The following CSMD1 variants were observed in gnomAD, a reference collection of about 807,000 sequenced individuals.
CSMD1 encodes the protein CUB and sushi domain-containing protein 1.
Under a neutral mutation model 417.5 loss-of-function variants are expected in CSMD1, and 213 were observed. That is an observed-to-expected ratio of 0.51 (90% CI 0.46 to 0.57). The LOEUF is 0.57. CSMD1 is among the 20% of genes least tolerant of loss of function. CSMD1 has a pLI of 0.00. For synonymous variants in CSMD1, 2,862 were observed against 1,736.8 expected, an observed-to-expected ratio of 1.65 and a Z score of -16.11; for missense variants, 6,923 against 4,529.7, an observed-to-expected ratio of 1.53 and a Z score of -15.17.
chr8:3,597,825 G>A (rs962042463), intron 8 of CSMD1, among the ~76,000 whole-genome samples: 17 of 152,218 alleles, frequency 1.1e-4, no homozygotes, highest in East Asian at 3.9e-4. Flanking sequence ...ATCACACACC[G>A]GGGCCTGTCG....
At chr8:3,341,126 G>A (rs1163485649) in intron 23 of CSMD1, among the ~76,000 whole-genome samples, 1 of 152,178 alleles carries the variant, frequency 6.6e-6, no homozygotes, top group Non-Finnish European at 1.5e-5. Flanking sequence ...GAGCAATAGA[G>A]TCACAGTATC....
At chr8:4,923,330 CATGAACAGTTAACTTCTTAAAGGGT>C (rs1806627468) in intron 1 of CSMD1, among the ~76,000 whole-genome samples, 3 of 152,032 alleles carry the variant, frequency 2.0e-5, no homozygotes, top group African/African-American at 7.2e-5. Flanking sequence ...TGGTTAGGAG[CATGAACAGTTAACTTCTTAAAGGGT>C]TGGCATACAT....
intron 3 of CSMD1, among the ~76,000 whole-genome samples, chr8:4,289,744 G>A (rs1444458095): frequency 6.6e-6 from 1 of 152,150 alleles, no homozygotes; most frequent in Non-Finnish European, 1.5e-5. Flanking sequence ...AATGCATTGT[G>A]AATAAAACAT....
At chr8:4,000,983 A>T (rs915289126) in intron 4 of CSMD1, among the ~76,000 whole-genome samples, 1 of 152,096 alleles carries the variant, frequency 6.6e-6, no homozygotes, top group African/African-American at 2.4e-5. Context: ...CTGAAACTAC[A>T]TACATTCTTC....
intron 10 of CSMD1, among the ~76,000 whole-genome samples, chr8:3,565,102 C>G (rs12334815): frequency 1.3e-5 from 1 of 78,638 alleles, no homozygotes; most frequent in Non-Finnish European, 2.3e-5. Flanking sequence ...AAAAAAAATA[C>G]TCTTACTTAA....
chr8:4,815,105 G>T (rs938546226), intron 1 of CSMD1, among the ~76,000 whole-genome samples: 6 of 152,136 alleles, frequency 3.9e-5, no homozygotes, highest in African/African-American at 1.4e-4. Flanking sequence ...TGAAATGACA[G>T]TTCTGACTCA....
intron 3 of CSMD1, among the ~76,000 whole-genome samples, chr8:4,300,868 C>G (rs1468933983): frequency 6.6e-6 from 1 of 152,170 alleles, no homozygotes; most frequent in Admixed American, 6.6e-5. Flanking sequence ...ATGAACTCAT[C>G]ATTTTTTATG....
chr8:3,976,543 G>C (rs1348350396), intron 5 of CSMD1, among the ~76,000 whole-genome samples: 1 of 152,224 alleles, frequency 6.6e-6, no homozygotes, highest in Non-Finnish European at 1.5e-5. Context: ...ACAAGAGCCT[G>C]TGAAACAGAG....
rs565496124 is a variant in CSMD1 at position 3,290,745 on chromosome 8, T to C, written c.3951-6399A>G. 7.5e-5 allele frequency among the ~76,000 whole-genome samples: 11 copies of C among 147,024 alleles called. 2 individuals carry two copies. The highest frequency in any genetic ancestry group is 3.9e-4 in the East Asian group (2 of 5,068). On this transcript the variant is annotated intron_variant, in intron 25 of 69. Transcript: ENST00000635120. ...TTTGGGCTGAGACAATGGGGTTTTC[T>C]AGATATACAATCATGTCATCTGCCA...
intron 3 of CSMD1, among the ~76,000 whole-genome samples, chr8:4,155,128 G>C (rs530947610): frequency 6.6e-6 from 1 of 152,130 alleles, no homozygotes; most frequent in South Asian, 2.1e-4. Context: ...ATGCACTATT[G>C]TTCCCATGCT....
chr8:4,217,503 C>T (rs1026503876), intron 3 of CSMD1, among the ~76,000 whole-genome samples: 18 of 152,056 alleles, frequency 1.2e-4, no homozygotes, highest in African/African-American at 3.9e-4. Context: ...TCGTCCCTGG[C>T]ATCAAGGGGA....
At chr8:4,630,810 C>G (rs1802466304) in intron 2 of CSMD1, among the ~76,000 whole-genome samples, 1 of 152,114 alleles carries the variant, frequency 6.6e-6, no homozygotes, top group African/African-American at 2.4e-5. Context: ...TAAGAAGTCA[C>G]CTCTGTGTGA....
At chr8:4,213,992 C>G (rs890001) in intron 3 of CSMD1, among the ~76,000 whole-genome samples, 144,320 of 152,278 alleles carry the variant, frequency 0.95, 68,411 homozygotes, top group South Asian at 0.98. Context: ...GGCACACAAA[C>G]AGAAAGGGGC....
intron 1 of CSMD1, among the ~76,000 whole-genome samples, chr8:4,705,826 G>C (rs921910905): frequency 2.6e-5 from 4 of 152,006 alleles, no homozygotes; most frequent in African/African-American, 7.2e-5. Flanking sequence ...ATTATTCTAT[G>C]AGCCAGCTGC....
rs745547804 is a variant in CSMD1, at chr8:4,201,773, G to T, written c.416-169674C>A. 2.9e-4 allele frequency among the ~76,000 whole-genome samples: 44 copies of T among 151,636 alleles called. 1 individual carries two copies. The highest frequency in any genetic ancestry group is 7.2e-4 in the Admixed American group (11 of 15,228). ...ATGGACTCTTGAGAGTCTATGAAGG[G>T]AGGTTTATGTACCTAACCTCCTGCA... On this transcript the variant is annotated intron_variant, in intron 3 of 69. Transcript: ENST00000635120.
chr8:3,978,216 T>G (rs1585066960), intron 5 of CSMD1, among the ~76,000 whole-genome samples: 1 of 152,316 alleles, frequency 6.6e-6, no homozygotes, highest in Admixed American at 6.5e-5. Context: ...CACTGCTGTG[T>G]GCTAGGATTC....
At chr8:4,394,122 T>C (rs1343600812) in intron 3 of CSMD1, among the ~76,000 whole-genome samples, 1 of 152,204 alleles carries the variant, frequency 6.6e-6, no homozygotes, top group Non-Finnish European at 1.5e-5. Context: ...TTCCAGATTA[T>C]CTTCTAAGTA....
At chr8:4,651,198 A>G (rs1027706815) in intron 1 of CSMD1, among the ~76,000 whole-genome samples, 2 of 152,202 alleles carry the variant, frequency 1.3e-5, no homozygotes, top group Non-Finnish European at 2.9e-5. Flanking sequence ...CTAATATCAG[A>G]TGTGTATAAA....
chr8:3,634,837 C>T (rs1584994717), intron 7 of CSMD1, among the ~76,000 whole-genome samples: 4 of 152,036 alleles, frequency 2.6e-5, no homozygotes, highest in Admixed American at 2.0e-4. Context: ...TGACGTTTTG[C>T]AAACATCACA....
Sources: allele counts gnomAD v4.1 joint callset (sites outside exome capture counted in the v4.1 genomes callset), GRCh38; gene constraint gnomAD v4.1.1; transcripts MANE v1.5; gene names NCBI Gene and HGNC (gene_info 2026-07-23, HGNC 2026-07-21).